Variants in ZNF787 observed in about 807,000 individuals in gnomAD.
The protein encoded by ZNF787 is zinc finger protein 787, also known as TTF-I-interacting peptide 20.
ZNF787 carries 7 observed loss-of-function variants against 16.9 expected under a neutral mutation model. The ratio of observed to expected loss-of-function variants is 0.42; its 90% CI spans 0.24 to 0.78. The LOEUF is 0.78. ZNF787 is among the 30% of genes least tolerant of loss of function. The probability of loss-of-function intolerance (pLI) is 0.30; values close to 1 mark genes in which losing one functional copy is unlikely to be tolerated. For synonymous variants in ZNF787, 345 were observed against 270.9 expected (o/e 1.27, Z -2.69); for missense variants, 551 against 589.3 (o/e 0.94, Z 0.67).
At chr19:56,111,630 G>A (rs1477281873) in intron 1 of ZNF787, among the ~76,000 whole-genome samples, 25 of 152,138 alleles carry the variant, frequency 1.6e-4, no homozygotes, top group Admixed American at 1.4e-3. Flanking sequence ...GGGTCTGGTC[G>A]CTCTTCTAAG....
chr19:56,092,571 C>G (rs893564047), intron 2 of ZNF787, among the ~76,000 whole-genome samples: 3 of 148,136 alleles, frequency 2.0e-5, no homozygotes, highest in Admixed American at 2.0e-4. Flanking sequence ...CACACTGATA[C>G]TTCCCATAGA....
At chr19:56,113,696 G>T (rs11879577) in intron 1 of ZNF787, among the ~76,000 whole-genome samples, 2 of 8,136 alleles carry the variant, frequency 2.5e-4, no homozygotes, top group African/African-American at 3.4e-4. Flanking sequence ...GACGCAGGGA[G>T]GCAGGGAGGC....
At chr19:56,120,474 T>C (rs568975614) in intron 1 of ZNF787, among the ~76,000 whole-genome samples, 49 of 152,140 alleles carry the variant, frequency 3.2e-4, no homozygotes, top group African/African-American at 1.0e-3. Context: ...GCCCAGTCAC[T>C]TCCCCCGCTG....
chr19:56,112,877 T>TC (rs1454728518), intron 1 of ZNF787, among the ~76,000 whole-genome samples: 22 of 132,910 alleles, frequency 1.7e-4, no homozygotes, highest in Non-Finnish European at 2.1e-4. Flanking sequence ...AGACCAGCCG[T>TC]TCCCCCCACC....
At position 56,087,935 on chromosome 19, in the gene ZNF787, C is replaced by T. The variant is rs918910365; in HGVS notation, c.*88G>A. ...GCCGCGGGGTCCATCGCACCCCGTC[C>T]GCTTCTCCCTGGGTCTCTTGGTCTT... On this transcript the variant is annotated 3_prime_UTR_variant, in exon 3 of 3. Transcript: ENST00000610935. 9 of 1,288,518 alleles carry T rather than the reference C, an allele frequency of 7.0e-6. No individual in the cohort carries two copies. In the East Asian group the frequency reaches 1.1e-4, roughly 15 times the overall value. The allele number at this position is 1,288,518 out of a possible 1,614,324, so 79.8% of individuals were successfully genotyped here.
intron 2 of ZNF787, among the ~76,000 whole-genome samples, chr19:56,094,186 GCT>G (rs1491303115): frequency 1.8e-5 from 2 of 113,854 alleles, no homozygotes; most frequent in Non-Finnish European, 3.6e-5. Context: ...ATCATGCCCG[GCT>G]TTTTTTTTTT....
In ZNF787 at chr19:56,098,644, GCAGGGTGATGCCA is replaced by G. The variant is rs1568527091; in HGVS notation, c.79+4482_79+4494del. ...ATTACGGCCGCAGGGTGATACAGCC[GCAGGGTGATGCCA>G]CCAGGGTGATATGGCCGCCGGGTGA... is the stretch of plus-strand genomic sequence containing the variant. On this transcript the variant is annotated intron_variant, in intron 2 of 2. Coordinates refer to ENST00000610935, the MANE Select transcript of ZNF787 (RefSeq NM_001002836.4). 4.4e-3 allele frequency among the ~76,000 whole-genome samples: 125 copies of G among 28,234 alleles called. 9 individuals carry two copies. Among genetic ancestry groups the G allele is most frequent in the African/African-American group, 0.014 (116 of 8,478 alleles). 18.5% of individuals were successfully genotyped at this position (28,234 alleles called of 152,430 possible).
intron 2 of ZNF787, among the ~76,000 whole-genome samples, chr19:56,098,036 C>T (rs1184454733): frequency 2.6e-5 from 4 of 152,146 alleles, no homozygotes; most frequent in South Asian, 2.1e-4. Context: ...GCCCCACCCC[C>T]GACCCAGGTC....
chr19:56,099,069 G>A (rs1286094338), intron 2 of ZNF787, among the ~76,000 whole-genome samples: 1 of 152,190 alleles, frequency 6.6e-6, no homozygotes, highest in East Asian at 1.9e-4. Context: ...CCCGCCTGCA[G>A]GCCAGCTGCC....
At chr19:56,089,810 T>G (rs1339547621) in intron 2 of ZNF787, among the ~76,000 whole-genome samples, 1 of 152,190 alleles carries the variant, frequency 6.6e-6, no homozygotes, top group Admixed American at 6.5e-5. Flanking sequence ...ATCTTTACAC[T>G]GAGGACGCCC....
chr19:56,102,546 A>T lies in ZNF787; in HGVS notation c.79+593T>A, dbSNP rs193104598. The T allele has an allele frequency of 2.2e-4, 74 of 332,190 alleles. No individual in the cohort carries two copies. The East Asian group carries it at 3.8e-3, about 17-fold the overall frequency. The allele number at this position is 332,190 out of a possible 1,614,324, so 20.6% of individuals were successfully genotyped here. On this transcript the variant is annotated intron_variant, in intron 2 of 2. Coordinates refer to ENST00000610935, the MANE Select transcript of ZNF787 (RefSeq NM_001002836.4). ...CCACAAATGAGTTTTGCTCAACCCC[A>T]ATAATGCTTTATTAAACAAACAAAA...
intron 2 of ZNF787, among the ~76,000 whole-genome samples, chr19:56,096,254 A>AAATAAAT (rs1985868192): frequency 8.7e-6 from 1 of 114,444 alleles, no homozygotes; most frequent in Non-Finnish European, 1.9e-5. Flanking sequence ...ATAAAAAAAT[A>AAATAAAT]AAAAAAATAA....
chr19:56,103,589 C>G, intron 1 of ZNF787: 1 of 267,340 alleles, frequency 3.7e-6, no homozygotes, highest in Admixed American at 5.1e-5. Context: ...GAACATGTTA[C>G]TGTCAAGCGT....
rs777425933 is a variant in ZNF787 at position 56,088,638 on chromosome 19, G to A, written c.534C>T (p.Phe178=). The A allele has an allele frequency of 3.1e-5, 47 of 1,540,822 alleles. 1 individual carries two copies. In the East Asian group the frequency reaches 8.2e-4, roughly 27 times the overall value. The part of the protein sequence containing the change: ...HRRSHSGLKP[F]VCPRCGRGFS... ...AGCCGCGGCCGCAGCGCGGGCACAC[G>A]AAGGGCTTGAGGCCGCTGTGCGAGC... The change falls in exon 3 of 3, where the codon TTC becomes TTT. Residue 178 remains phenylalanine (F), a synonymous_variant. Transcript: ENST00000610935. This position sits in a 1 kb window ranked among gnomAD's most constrained non-coding sequence, Gnocchi z 8.6.
In ZNF787 at chr19:56,088,074, G is replaced by GTCT. The variant is rs1985391866; in HGVS notation, c.1097_1098insAGA (p.Asp365_Asp366insGlu). 2.9e-6 allele frequency: 4 copies of GTCT among 1,382,426 alleles called. No homozygotes were observed. In the Admixed American group the frequency reaches 1.0e-4, roughly 36 times the overall value. 85.6% of individuals were successfully genotyped at this position (1,382,426 alleles called of 1,614,324 possible). On this transcript the variant is annotated inframe_insertion, in exon 3 of 3. Transcript: ENST00000610935. This position sits in a 1 kb window ranked among gnomAD's most constrained non-coding sequence, Gnocchi z 8.6. ...CGGGGCACCGCCCGCCCGCGGCCTC[G>GTCT]TCGTCGTCGTCCTCCTCCTCCCCGC...
Position 56,103,143 on chromosome 19 carries a change from G to A in ZNF787, c.75C>T (p.Asn25=), listed in dbSNP as rs769435015. 2 of 1,608,478 alleles carry A rather than the reference G, an allele frequency of 1.2e-6. No homozygotes were observed. The highest frequency in any genetic ancestry group is 1.7e-6 in the Non-Finnish European group (2 of 1,176,486). The change falls in exon 2 of 3, where the codon AAC becomes AAT. Residue 25 remains asparagine (N), a synonymous_variant. Coordinates refer to ENST00000610935, the MANE Select transcript of ZNF787 (RefSeq NM_001002836.4). ...SEDQQMASHE[N]PVDILIMDDD... Reference sequence around the variant, plus strand: ...GGAAGGCCTCTGGCTGCTCACCTGGGTTCTCGTGACTGGCCATCTGCTGGT... The same window carrying A: ...GGAAGGCCTCTGGCTGCTCACCTGGATTCTCGTGACTGGCCATCTGCTGGT...
chr19:56,088,551 G>A lies in ZNF787; in HGVS notation c.621C>T (p.Gly207=). Residue 207 remains glycine, a synonymous_variant, in exon 3 of 3, where the codon GGC becomes GGT. Transcript: ENST00000610935. The surrounding 1 kb of genome is among the most constrained non-coding windows in gnomAD (Gnocchi z 8.6). ...TAGCCGCCAGCACCTTGGCCGCCAC[G>A]CCAGGCCCCGACAGCTCCGGGTGCA... is the stretch of plus-strand genomic sequence containing the variant. ...LRLHPELSGP[G]VAAKVLAASV... 1 of 1,473,166 alleles carries A rather than the reference G, an allele frequency of 6.8e-7. No individual in the cohort carries two copies. The highest frequency in any genetic ancestry group is 8.9e-7 in the Non-Finnish European group (1 of 1,121,572). 91.3% of individuals were successfully genotyped at this position (1,473,166 alleles called of 1,614,324 possible). A position where few individuals can be genotyped will look rare whatever the true frequency, so the allele number is the denominator to read the frequency against.
intron 1 of ZNF787, among the ~76,000 whole-genome samples, chr19:56,108,775 C>T (rs557114183): frequency 5.6e-4 from 86 of 152,268 alleles, no homozygotes; most frequent in Non-Finnish European, 1.1e-3. Flanking sequence ...GAGACCCACG[C>T]GGAAGGACAG....
intron 1 of ZNF787, among the ~76,000 whole-genome samples, chr19:56,116,387 A>G (rs2123432147): frequency 6.6e-6 from 1 of 152,112 alleles, no homozygotes; most frequent in East Asian, 1.9e-4. Context: ...GCTTGCAGTG[A>G]GCCAAGATCA....
Sources: gnomAD v4.1 joint callset for allele counts (sites outside exome capture counted in the v4.1 genomes callset) on GRCh38, gnomAD v4.1.1 for gene constraint, Gnocchi (gnomAD v3.1) non-coding constraint, MANE v1.5 for transcripts, NCBI Gene and HGNC (gene_info 2026-07-23, HGNC 2026-07-21) for gene names.